ANKDD1B: variants seen among roughly 807,000 people sequenced by gnomAD.
ANKDD1B encodes ankyrin repeat and death domain containing 1B.
Under a neutral mutation model 59.7 loss-of-function variants are expected in ANKDD1B, and 57 were observed. The ratio of observed to expected loss-of-function variants is 0.95; its 90% CI spans 0.77 to 1.19. The LOEUF is 1.19. ANKDD1B is among the 50% of genes most tolerant of loss of function. The probability of loss-of-function intolerance (pLI) is 0.00; values close to 1 mark genes in which losing one functional copy is unlikely to be tolerated. For missense variants in ANKDD1B, 602 were observed against 641.9 expected (o/e 0.94, Z 0.67); for synonymous variants, 216 against 239.5 (o/e 0.90, Z 0.91).
chr5:75,635,579 C>T lies in ANKDD1B; in HGVS notation c.700-205C>T, dbSNP rs1486242837. 9 of 381,678 alleles carry T rather than the reference C, an allele frequency of 2.4e-5. No individual in the cohort carries two copies. The Admixed American group carries it at 2.7e-4, about 11-fold the overall frequency. The allele number at this position is 381,678 out of a possible 1,614,324, so 23.6% of individuals were successfully genotyped here. On this transcript the variant is annotated intron_variant, in intron 6 of 13. Coordinates refer to ENST00000601380, the MANE Select transcript of ANKDD1B (RefSeq NM_001276713.2). ...ACAAGGAGCATGGATGATTTTTTTC[C>T]TACTGGTTCAAAAAACTATACCTTT...
rs761774971 is a variant in ANKDD1B at position 75,653,171 on chromosome 5, C to A, written c.828C>A (p.Thr276=). ...ELNISSLQIA[T]RNGHASLVNF... ...ATATCAGTAGTTTGCAGATAGCAAC[C>A]AGGAACGGCCATGCATCCCTTGTCA... The change falls in exon 8 of 14, where the codon ACC becomes ACA. Residue 276 remains threonine, a synonymous_variant. Coordinates refer to ENST00000601380, the MANE Select transcript of ANKDD1B (RefSeq NM_001276713.2). 3.9e-6 allele frequency: 6 copies of A among 1,536,034 alleles called. No individual in the cohort carries two copies. The highest frequency in any genetic ancestry group is 5.2e-6 in the Non-Finnish European group (6 of 1,146,860).
At chr5:75,613,429 C>G (rs1284274591) in intron 1 of ANKDD1B, among the ~76,000 whole-genome samples, 1 of 152,072 alleles carries the variant, frequency 6.6e-6, no homozygotes, top group African/African-American at 2.4e-5. Flanking sequence ...GGATGGGATC[C>G]AGAGCCCAAG....
At chr5:75,669,454 A>T in intron 13 of ANKDD1B, 71 bp downstream of exon 13, 1 of 1,195,036 alleles carries the variant, frequency 8.4e-7, no homozygotes, top group South Asian at 4.3e-5. Flanking sequence ...CAGAAATATC[A>T]TCCTGACCAG....
chr5:75,634,588 C>A, intron 5 of ANKDD1B: 1 of 216,082 alleles, frequency 4.6e-6, no homozygotes. Context: ...CATAATATTG[C>A]TATATTTAAA....
At chr5:75,623,753 C>A (rs560620880) in intron 3 of ANKDD1B, among the ~76,000 whole-genome samples, 2 of 152,156 alleles carry the variant, frequency 1.3e-5, no homozygotes, top group African/African-American at 4.8e-5. Flanking sequence ...CACTAGGTGC[C>A]AATATTAACC....
chr5:75,664,372 C>A (rs1012869780), intron 11 of ANKDD1B, among the ~76,000 whole-genome samples: 1 of 152,232 alleles, frequency 6.6e-6, no homozygotes, highest in African/African-American at 2.4e-5. Flanking sequence ...GTCACACCAT[C>A]CTCCTTGCAA....
At chr5:75,632,158 T>C (rs1157011849) in intron 5 of ANKDD1B, among the ~76,000 whole-genome samples, 1 of 151,406 alleles carries the variant, frequency 6.6e-6, no homozygotes, top group Non-Finnish European at 1.5e-5. Context: ...TGGTGGACAT[T>C]GAAGTTGCTC....
At chr5:75,614,596 A>G (rs1370228606) in intron 1 of ANKDD1B, among the ~76,000 whole-genome samples, 1 of 152,188 alleles carries the variant, frequency 6.6e-6, no homozygotes, top group Non-Finnish European at 1.5e-5. Context: ...CATGGCTTCC[A>G]GTGTTGATAA....
chr5:75,635,295 C>T (rs1032307900), intron 6 of ANKDD1B: 15 of 263,240 alleles, frequency 5.7e-5, no homozygotes, highest in African/African-American at 3.0e-4. Flanking sequence ...CTCCTGGAGG[C>T]TCAGCCTTAT....
chr5:75,617,663 G>C (rs995543641), intron 2 of ANKDD1B, among the ~76,000 whole-genome samples: 2 of 152,170 alleles, frequency 1.3e-5, no homozygotes, highest in African/African-American at 4.8e-5. Flanking sequence ...GCCCTTGCTT[G>C]TACAGGCCCC....
In ANKDD1B at chr5:75,663,501, C is replaced by T. The variant is rs1320927500; in HGVS notation, c.1191+12C>T. The T allele has an allele frequency of 5.2e-6, 8 of 1,531,934 alleles. No homozygotes were observed. Among genetic ancestry groups the T allele is most frequent in the African/African-American group, 4.1e-5 (3 of 73,080 alleles). 94.9% of individuals were successfully genotyped at this position (1,531,934 alleles called of 1,614,324 possible). A position where few individuals can be genotyped will look rare whatever the true frequency, so the allele number is the denominator to read the frequency against. On this transcript the variant is annotated intron_variant, in intron 11 of 13. Transcript: ENST00000601380. ...ACGCCTGGAGAGAGGTAAGGAAGGA[C>T]GATCCCAGCACAGCAGGGGCTTTCC...
chr5:75,611,794 G>C lies in ANKDD1B; in HGVS notation c.160G>C (p.Glu54Gln), dbSNP rs1773565355. Residue 54 changes from glutamate to glutamine, a missense_variant, in exon 1 of 14, where the codon GAG becomes CAG. By Grantham distance (29) the Glu-to-Gln change is conservative. Around this residue, in one of 3 missense-constraint regions of ANKDD1B, gnomAD observed 317 missense variants for 304.6 expected, o/e 1.04. Transcript: ENST00000601380. ...SRIPKREGLG[E>Q]EDTAVAGHEL... is the part of the protein sequence containing the mutation. ...GATCCCGAAGCGGGAGGGTCTTGGA[G>C]AGGAGGACACAGCAGTTGCCGGACA... The C allele has an allele frequency of 3.2e-6, 4 of 1,232,038 alleles. No homozygotes were observed. Among genetic ancestry groups the C allele is most frequent in the Admixed American group, 8.4e-5 (2 of 23,712 alleles). The allele number at this position is 1,232,038 out of a possible 1,614,324, so 76.3% of individuals were successfully genotyped here.
chr5:75,653,121 CCT>C lies in ANKDD1B; in HGVS notation c.799-16_799-15del. The C allele has an allele frequency of 6.7e-7, 1 of 1,481,964 alleles. No individual in the cohort carries two copies. The highest frequency in any genetic ancestry group is 9.1e-7 in the Non-Finnish European group (1 of 1,097,542). 91.8% of individuals were successfully genotyped at this position (1,481,964 alleles called of 1,614,324 possible). On this transcript the variant is annotated intron_variant, in intron 7 of 13. Transcript: ENST00000601380. ...AATTATAATGAGAGTTCCTCCTTGC[CCT>C]CTCTATTGTCTCTTGCAGCTCAATA...
chr5:75,628,702 G>T (rs1227713350), intron 5 of ANKDD1B, among the ~76,000 whole-genome samples: 6 of 152,194 alleles, frequency 3.9e-5, no homozygotes, highest in Non-Finnish European at 8.8e-5. Flanking sequence ...AAACAAAATG[G>T]ATTTAACTAG....
At chr5:75,626,206 C>T (rs978952534) in intron 5 of ANKDD1B, among the ~76,000 whole-genome samples, 4 of 152,208 alleles carry the variant, frequency 2.6e-5, no homozygotes, top group African/African-American at 9.6e-5. Context: ...TCTACTCCCT[C>T]ATCCTGGCCA....
intron 2 of ANKDD1B, among the ~76,000 whole-genome samples, chr5:75,617,928 G>A (rs1160249195): frequency 6.6e-6 from 1 of 152,024 alleles, no homozygotes; most frequent in African/African-American, 2.4e-5. Context: ...TGCATGTGGC[G>A]GCAGTAGGGG....
intron 3 of ANKDD1B, among the ~76,000 whole-genome samples, chr5:75,621,117 T>C (rs1773835900): frequency 6.6e-6 from 1 of 152,236 alleles, no homozygotes; most frequent in Non-Finnish European, 1.5e-5. Flanking sequence ...CCACTGCTGC[T>C]ACCCCTACCA....
intron 8 of ANKDD1B, 81 bp downstream of exon 8, chr5:75,653,321 G>A (rs1182080269): frequency 4.3e-6 from 4 of 921,444 alleles, no homozygotes; most frequent in South Asian, 1.4e-5. Flanking sequence ...TTGCAGATAC[G>A]TGTAGGAGAT....
chr5:75,652,364 T>C (rs1774855972), intron 7 of ANKDD1B, among the ~76,000 whole-genome samples: 1 of 152,080 alleles, frequency 6.6e-6, no homozygotes, highest in African/African-American at 2.4e-5. Flanking sequence ...AAAAAACAAT[T>C]AGGAAAAAAC....
Sources: gnomAD v4.1 joint callset for allele counts (sites outside exome capture counted in the v4.1 genomes callset) on GRCh38, gnomAD v4.1.1 for gene constraint, gnomAD v4.1.1 regional missense constraint, MANE v1.5 for transcripts, NCBI Gene and HGNC (gene_info 2026-07-23, HGNC 2026-07-21) for gene names.